PDZRN3: variants seen among roughly 807,000 people sequenced by gnomAD.
The protein encoded by PDZRN3 is PDZ domain containing ring finger 3, also known as E3 ubiquitin-protein ligase PDZRN3.
A neutral mutation model predicts 85.7 loss-of-function variants in PDZRN3; 38 were observed. That is an observed-to-expected ratio of 0.44 (90% CI 0.34 to 0.58). The LOEUF (loss-of-function observed/expected upper bound fraction) is 0.58, where lower values mean the gene tolerates loss of function less well. Ranked by LOEUF, PDZRN3 falls within the 20% of genes least tolerant of loss-of-function variation. The probability of loss-of-function intolerance (pLI) is 0.01; values close to 1 mark genes in which losing one functional copy is unlikely to be tolerated. For synonymous variants in PDZRN3, 759 were observed against 638.0 expected, an observed-to-expected ratio of 1.19 and a Z score of -2.86; for missense variants, 1,629 against 1,506.4, an observed-to-expected ratio of 1.08 and a Z score of -1.35.
At chr3:73,603,061 A>G (rs1323924076) in intron 2 of PDZRN3, among the ~76,000 whole-genome samples, 1 of 152,216 alleles carries the variant, frequency 6.6e-6, no homozygotes, top group Non-Finnish European at 1.5e-5. Context: ...GGGTAAAAGG[A>G]TATGTACATT....
chr3:73,401,047 GT>G (rs748114966), intron 4 of PDZRN3, 38 bp from the exon 5 acceptor site: 1 of 1,438,512 alleles, frequency 7.0e-7, no homozygotes, highest in South Asian at 1.1e-5. Context: ...CCCTTCTTCC[GT>G]TGTCAGTATC....
rs1210260742 is a variant in PDZRN3, at chr3:73,557,141, C to G, written c.918+45213G>C. On this transcript the variant is annotated intron_variant, in intron 3 of 9. Transcript: ENST00000263666. ...CTTGGTCAAAGGCTCTTTCCCCTTT[C>G]ACCCTGTCCTCCCAGCAGCTGCACA... is the stretch of plus-strand genomic sequence containing the variant. Among the ~76,000 whole-genome samples the G allele has an allele frequency of 4.6e-5, 7 of 152,206 alleles. No homozygotes were observed. The East Asian group carries it at 1.2e-3, about 25-fold the overall frequency.
intron 5 of PDZRN3, among the ~76,000 whole-genome samples, chr3:73,398,526 C>G (rs1701686454): frequency 6.6e-6 from 1 of 152,200 alleles, no homozygotes; most frequent in African/African-American, 2.4e-5. Flanking sequence ...GAGAACTCTA[C>G]TTTGACCAGC....
rs540143933 is a variant in PDZRN3, at chr3:73,539,641, T to A, written c.918+62713A>T. ...CCATTGTCCAGCACCAACTGCAAGA[T>A]GAACAATCCAGCCATCCCAGCTAGG... On this transcript the variant is annotated intron_variant, in intron 3 of 9. Transcript: ENST00000263666. Among the ~76,000 whole-genome samples, 4 of 152,110 alleles carry A rather than the reference T, an allele frequency of 2.6e-5. No individual in the cohort carries two copies. In the South Asian group the frequency reaches 6.2e-4, roughly 24 times the overall value.
intron 3 of PDZRN3, among the ~76,000 whole-genome samples, chr3:73,506,309 T>G (rs1370385294): frequency 6.6e-6 from 1 of 152,096 alleles, no homozygotes; most frequent in African/African-American, 2.4e-5. Flanking sequence ...GATTGGCATC[T>G]CCCAGTCTCA....
At chr3:73,465,535 G>A (rs13327161) in intron 3 of PDZRN3, among the ~76,000 whole-genome samples, 1 of 152,162 alleles carries the variant, frequency 6.6e-6, no homozygotes, top group East Asian at 1.9e-4. Context: ...AACCTCTTAA[G>A]GGACAGAAGT....
intron 3 of PDZRN3, among the ~76,000 whole-genome samples, chr3:73,525,041 ATATT>A (rs1434130067): frequency 6.7e-6 from 1 of 148,542 alleles, no homozygotes; most frequent in East Asian, 1.9e-4. Flanking sequence ...AAAATTATAT[ATATT>A]ATCTATATAA....
intron 3 of PDZRN3, among the ~76,000 whole-genome samples, chr3:73,468,570 G>C (rs1411077637): frequency 6.6e-6 from 1 of 152,012 alleles, no homozygotes; most frequent in Non-Finnish European, 1.5e-5. Context: ...CTATCTCCTG[G>C]GCTGTAAAAG....
At chr3:73,468,066 C>A (rs966783087) in intron 3 of PDZRN3, among the ~76,000 whole-genome samples, 1 of 151,878 alleles carries the variant, frequency 6.6e-6, no homozygotes, top group Admixed American at 6.6e-5. Flanking sequence ...CACTGCACAC[C>A]TAAATATGGT....
At chr3:73,608,828 C>T (rs1702642554) in intron 1 of PDZRN3, 144 bp from the exon 2 acceptor site, 7 of 613,298 alleles carry the variant, frequency 1.1e-5, no homozygotes. Context: ...ACCAAGGAAA[C>T]TTCTGGAACC....
At chr3:73,405,850 C>CA (rs1257629181) in intron 3 of PDZRN3, among the ~76,000 whole-genome samples, 1 of 152,192 alleles carries the variant, frequency 6.6e-6, no homozygotes, top group Non-Finnish European at 1.5e-5. Context: ...TCCCTATGTC[C>CA]AGGCAGAACA....
chr3:73,489,152 C>G (rs768798850), intron 3 of PDZRN3, among the ~76,000 whole-genome samples: 46 of 152,234 alleles, frequency 3.0e-4, no homozygotes, highest in Non-Finnish European at 1.5e-4. Context: ...AGGTACCCAG[C>G]AGCTAGTGGG....
intron 5 of PDZRN3, among the ~76,000 whole-genome samples, chr3:73,391,382 C>G (rs1701524533): frequency 6.6e-6 from 1 of 152,224 alleles, no homozygotes; most frequent in African/African-American, 2.4e-5. Flanking sequence ...ATATTTCACT[C>G]AGCGTCAAGA....
At chr3:73,416,627 T>C (rs911888204) in intron 3 of PDZRN3, among the ~76,000 whole-genome samples, 4 of 152,098 alleles carry the variant, frequency 2.6e-5, no homozygotes, top group African/African-American at 7.2e-5. Flanking sequence ...CACAGGAAGG[T>C]TGGATGCAGA....
chr3:73,576,977 C>CA (rs1408408179), intron 3 of PDZRN3, among the ~76,000 whole-genome samples: 2 of 152,126 alleles, frequency 1.3e-5, no homozygotes, highest in Non-Finnish European at 2.9e-5. Context: ...ACAGGGTTGT[C>CA]AAAACATTCA....
intron 3 of PDZRN3, among the ~76,000 whole-genome samples, chr3:73,486,521 G>A (rs11710509): frequency 0.39 from 59,514 of 152,114 alleles, 11,848 homozygotes; most frequent in Non-Finnish European, 0.43. Context: ...TTTCTGTGTA[G>A]GGTAATGAAA....
intron 3 of PDZRN3, among the ~76,000 whole-genome samples, chr3:73,472,686 T>C (rs1420027857): frequency 6.6e-6 from 1 of 152,216 alleles, no homozygotes; most frequent in Non-Finnish European, 1.5e-5. Flanking sequence ...AATGATTAAA[T>C]TGAAATTTGT....
At position 73,382,551 on chromosome 3, in the gene PDZRN3, G is replaced by C. The variant is rs1207970638; in HGVS notation, c.*814C>G. 6.6e-6 allele frequency: 1 copy of C among 152,568 alleles called. No individual in the cohort carries two copies. The highest frequency in any genetic ancestry group is 1.5e-5 in the Non-Finnish European group (1 of 68,036). 9.5% of individuals were successfully genotyped at this position (152,568 alleles called of 1,614,324 possible). On this transcript the variant is annotated 3_prime_UTR_variant, in exon 10 of 10. Transcript: ENST00000263666. ...CATTTTACTGTTTGTAACTAATCAT[G>C]ATTTTGTGAACTTGCCTGTATAAGT...
At chr3:73,614,388 G>A (rs1289243578) in intron 1 of PDZRN3, among the ~76,000 whole-genome samples, 3 of 152,158 alleles carry the variant, frequency 2.0e-5, no homozygotes, top group East Asian at 3.9e-4. Context: ...CTCCTAATGA[G>A]TGTGGTGGTT....
Sources: allele counts gnomAD v4.1 joint callset (sites outside exome capture counted in the v4.1 genomes callset), GRCh38; gene constraint gnomAD v4.1.1; transcripts MANE v1.5; gene names NCBI Gene and HGNC (gene_info 2026-07-23, HGNC 2026-07-21).